Variants in EPCIP observed in about 807,000 individuals in gnomAD.
The protein encoded by EPCIP is exosomal polycystin-1-interacting protein.
At chr21:32,813,217 G>A in the EPCIP span, among the ~76,000 whole-genome samples, 2 of 152,074 alleles carry the variant, frequency 1.3e-5, no homozygotes, top group Admixed American at 6.6e-5. Flanking sequence ...GAAAAGTCTA[G>A]CCAGATGTTT....
chr21:32,796,838 C>T, the EPCIP span: 2 of 372,438 alleles, frequency 5.4e-6, no homozygotes, highest in East Asian at 7.8e-5. Context: ...GCTGTCAATA[C>T]TGTTGGCCCA....
the EPCIP span, among the ~76,000 whole-genome samples, chr21:32,795,675 A>G: frequency 7.2e-5 from 11 of 152,348 alleles, no homozygotes; most frequent in Non-Finnish European, 1.5e-4. Flanking sequence ...ATGTGTCCAA[A>G]GAGTACAGTG....
At chr21:32,812,587 C>CT in the EPCIP span, among the ~76,000 whole-genome samples, 15 of 151,104 alleles carry the variant, frequency 9.9e-5, no homozygotes, top group South Asian at 2.1e-4. Context: ...AATGAAAAGT[C>CT]TTTTTTTTTC....
chr21:32,802,850 C>G, the EPCIP span, among the ~76,000 whole-genome samples: 1 of 152,152 alleles, frequency 6.6e-6, no homozygotes, highest in African/African-American at 2.4e-5. Context: ...GGCGCGATCT[C>G]GGCTCACTGC....
the EPCIP span, among the ~76,000 whole-genome samples, chr21:32,811,458 T>C: frequency 6.6e-6 from 1 of 152,146 alleles, no homozygotes; most frequent in Non-Finnish European, 1.5e-5. Flanking sequence ...AAATGATACA[T>C]GGGTACTCAG....
the EPCIP span, among the ~76,000 whole-genome samples, chr21:32,809,190 T>C: frequency 6.7e-6 from 1 of 149,652 alleles, no homozygotes; most frequent in Non-Finnish European, 1.5e-5. Flanking sequence ...TGCGTGTGTG[T>C]GTGTGTGTGT....
the EPCIP span, chr21:32,794,300 C>T: frequency 1.5e-5 from 25 of 1,614,240 alleles, no homozygotes; most frequent in South Asian, 3.3e-5. Flanking sequence ...GCTGCAGTTC[C>T]GAATGGTGTT....
the EPCIP span, chr21:32,813,612 G>A: frequency 2.1e-6 from 1 of 471,088 alleles, no homozygotes; most frequent in African/African-American, 2.0e-5. Context: ...TCCACCGTGA[G>A]GCCTCGCCTC....
chr21:32,813,024 C>A, the EPCIP span, among the ~76,000 whole-genome samples: 1 of 152,122 alleles, frequency 6.6e-6, no homozygotes, highest in African/African-American at 2.4e-5. Flanking sequence ...AATCAGCAAA[C>A]TCTATAAAGC....
chr21:32,796,715 G>A, the EPCIP span, among the ~76,000 whole-genome samples: 2 of 152,246 alleles, frequency 1.3e-5, no homozygotes, highest in Non-Finnish European at 2.9e-5. Flanking sequence ...AGTGAGGAAC[G>A]GTGTATAATT....
chr21:32,805,573 G>A, the EPCIP span, among the ~76,000 whole-genome samples: 1 of 152,018 alleles, frequency 6.6e-6, no homozygotes, highest in African/African-American at 2.4e-5. Context: ...TGTTGGCCAG[G>A]CTGGTCTCAA....
At chr21:32,809,958 C>A in the EPCIP span, among the ~76,000 whole-genome samples, 6 of 152,122 alleles carry the variant, frequency 3.9e-5, no homozygotes, top group South Asian at 1.0e-3. Flanking sequence ...GAGCCTAGTA[C>A]CTAGTCGTGT....
chr21:32,800,693 G>C, the EPCIP span, among the ~76,000 whole-genome samples: 1 of 152,174 alleles, frequency 6.6e-6, no homozygotes, highest in South Asian at 2.1e-4. Flanking sequence ...GCATGTGCCT[G>C]TAATCCCAGC....
the EPCIP span, among the ~76,000 whole-genome samples, chr21:32,802,090 C>T: frequency 6.6e-6 from 1 of 152,096 alleles, no homozygotes; most frequent in Admixed American, 6.5e-5. Context: ...TTAGACAGGA[C>T]CTTGCTGGTC....
At chr21:32,794,221 C>G in the EPCIP span, 8 of 1,614,152 alleles carry the variant, frequency 5.0e-6, no homozygotes, top group Middle Eastern at 1.6e-4. Flanking sequence ...CTGCAAGGGG[C>G]AGGACGGTTT....
the EPCIP span, among the ~76,000 whole-genome samples, chr21:32,803,567 C>T: frequency 1.3e-5 from 2 of 152,166 alleles, no homozygotes; most frequent in Non-Finnish European, 2.9e-5. Context: ...GGATTTTTAG[C>T]ATTTTTCTTT....
the EPCIP span, among the ~76,000 whole-genome samples, chr21:32,813,441 G>A: frequency 6.6e-6 from 1 of 152,316 alleles, no homozygotes; most frequent in East Asian, 1.9e-4. Flanking sequence ...TGTACATTAT[G>A]TTCAGGAAAT....
At chr21:32,796,963 G>A in the EPCIP span, 13 of 470,692 alleles carry the variant, frequency 2.8e-5, no homozygotes, top group African/African-American at 1.2e-4. Flanking sequence ...AGAGGCAGCC[G>A]TGGAAGAGGA....
chr21:32,810,488 C>T, the EPCIP span: 2 of 447,602 alleles, frequency 4.5e-6, no homozygotes, highest in African/African-American at 2.0e-5. Flanking sequence ...GTCTGACTCT[C>T]CTGACCTCGT....
Sources: gnomAD v4.1 joint callset for allele counts (sites outside exome capture counted in the v4.1 genomes callset) on GRCh38, gnomAD v4.1.1 for gene constraint, MANE v1.5 for transcripts, NCBI Gene and HGNC (gene_info 2026-07-23, HGNC 2026-07-21) for gene names.